The following NAV1 variants were observed in gnomAD, a reference collection of about 807,000 sequenced individuals.
NAV1 encodes the protein pore membrane and/or filament interacting like protein 3.
NAV1 carries 18 observed loss-of-function variants against 175.2 expected under a neutral mutation model. The ratio of observed to expected loss-of-function variants is 0.10; its 90% CI spans 0.07 to 0.15. The LOEUF (loss-of-function observed/expected upper bound fraction) is 0.15. Among genes scored for constraint, NAV1 ranks in the 10% least tolerant of loss-of-function variants. The pLI is 1.00. For missense variants in NAV1, 1,731 were observed against 2,436.6 expected (o/e 0.71, Z 6.10); for synonymous variants, 897 against 978.7 (o/e 0.92, Z 1.56).
chr1:201,615,392 A>C (rs1046979544), intron 2 of NAV1, among the ~76,000 whole-genome samples: 37 of 151,796 alleles, frequency 2.4e-4, no homozygotes, highest in African/African-American at 8.7e-4. Flanking sequence ...AGCCTCCCGA[A>C]TAGCTGGGAT....
chr1:201,724,553 C>T (rs1672522351), intron 3 of NAV1: 1 of 152,264 alleles, frequency 6.6e-6, no homozygotes, highest in Non-Finnish European at 1.5e-5. Flanking sequence ...AACACTACTG[C>T]CAAGTCCCAC....
chr1:201,618,766 T>C (rs1668073897), upstream of NAV1, among the ~76,000 whole-genome samples: 1 of 152,182 alleles, frequency 6.6e-6, no homozygotes, highest in Non-Finnish European at 1.5e-5. Flanking sequence ...TACTAAAACT[T>C]ACTTTGTAAG....
chr1:201,619,535 G>T (rs1336735823), upstream of NAV1, among the ~76,000 whole-genome samples: 1 of 152,256 alleles, frequency 6.6e-6, no homozygotes, highest in Non-Finnish European at 1.5e-5. Context: ...ACATGGAGAG[G>T]TTGAATAATT....
chr1:201,756,449 A>C (rs1674468941), intron 3 of NAV1, among the ~76,000 whole-genome samples: 1 of 152,164 alleles, frequency 6.6e-6, no homozygotes, highest in Admixed American at 6.5e-5. Flanking sequence ...TCTCCCTACA[A>C]AATATCAACA....
chr1:201,710,161 TAA>T (rs33912942), intron 1 of NAV1, among the ~76,000 whole-genome samples: 50,461 of 146,524 alleles, frequency 0.34, 8,856 homozygotes, highest in Middle Eastern at 0.42. Context: ...CATTTTTCCT[TAA>T]AAAAAAAAAA....
At chr1:201,785,280 CTCTTT>C (rs766731106) in intron 7 of NAV1, 25 bp from the exon 12 acceptor site, 12 of 1,438,702 alleles carry the variant, frequency 8.3e-6, no homozygotes, top group African/African-American at 4.7e-5. Flanking sequence ...CTCTCTCTCT[CTCTTT>C]TTTTTTTTTT....
Position 201,807,896 on chromosome 1 carries a change from C to A in NAV1, c.3649-57C>A, listed in dbSNP as rs979061452. 6.4e-7 allele frequency: 1 copy of A among 1,558,982 alleles called. No individual in the cohort carries two copies. The highest frequency in any genetic ancestry group is 8.8e-7 in the Non-Finnish European group (1 of 1,133,426). ...GTCTCAGAAGTCTCAATCCAGTCCT[C>A]CCCCATCCCAGTAGTGGAGTCCTAA... On this transcript the variant is annotated intron_variant, in intron 17 of 29. Transcript: ENST00000367296. The surrounding 1 kb of genome is among the most constrained non-coding windows in gnomAD (Gnocchi z 5.4).
chr1:201,768,445 C>A (rs1675351081), intron 3 of NAV1, among the ~76,000 whole-genome samples: 1 of 151,746 alleles, frequency 6.6e-6, no homozygotes, highest in Non-Finnish European at 1.5e-5. Flanking sequence ...TGGAACCAGC[C>A]TGGGCAACAT....
intron 3 of NAV1, among the ~76,000 whole-genome samples, chr1:201,733,116 T>C (rs1383940501): frequency 7.0e-6 from 1 of 143,770 alleles, no homozygotes. Flanking sequence ...CATGGTGGCT[T>C]ATGCCTGTAA....
chr1:201,729,677 C>G (rs563691913), intron 3 of NAV1, among the ~76,000 whole-genome samples: 2 of 151,856 alleles, frequency 1.3e-5, no homozygotes, highest in South Asian at 4.1e-4. Context: ...GAGGCCGAGG[C>G]GGGCAGATCA....
Position 201,789,733 on chromosome 1 carries a change from C to T in NAV1, c.3167-7C>T. The T allele has an allele frequency of 6.2e-7, 1 of 1,614,106 alleles. No individual in the cohort carries two copies. The highest frequency in any genetic ancestry group is 8.5e-7 in the Non-Finnish European group (1 of 1,179,960). ...TGTTAACTCTTTGTGTTCTCCTTCTCTTTCAGTTCACGGCTCAGTGCTGTC... is the reference window on the plus strand; with the variant it reads ...TGTTAACTCTTTGTGTTCTCCTTCTTTTTCAGTTCACGGCTCAGTGCTGTC... On this transcript the variant is annotated splice_region_variant and splice_polypyrimidine_tract_variant and intron_variant, in intron 10 of 29. Coordinates refer to ENST00000367296, the Ensembl canonical transcript of NAV1.
chr1:201,621,144 T>G (rs978910522), upstream of NAV1, among the ~76,000 whole-genome samples: 1 of 151,960 alleles, frequency 6.6e-6, no homozygotes, highest in Non-Finnish European at 1.5e-5. Flanking sequence ...GGTGTCAAAC[T>G]CCTGGACTCA....
At position 201,675,716 on chromosome 1, in the gene NAV1, C is replaced by T. The variant is rs545760368; in HGVS notation, c.757+26291C>T. The stretch of plus-strand genomic sequence containing the variant: ...CGATGGAATTTGAGGGGTACAACCC[C>T]TACAGTTCTGTCCAAATTCACTTCT... On this transcript the variant is annotated intron_variant, in intron 1 of 29. Transcript: ENST00000367296. Among the ~76,000 whole-genome samples the T allele has an allele frequency of 3.9e-5, 6 of 152,326 alleles. No homozygotes were observed. In the South Asian group the frequency reaches 1.2e-3, roughly 32 times the overall value.
At position 201,782,306 on chromosome 1, in the gene NAV1, C is replaced by A. The variant is rs1358768536; in HGVS notation, c.1794C>A (p.Arg598=). The A allele has an allele frequency of 6.2e-7, 1 of 1,614,212 alleles. No homozygotes were observed. Among genetic ancestry groups the A allele is most frequent in the Admixed American group, 1.7e-5 (1 of 60,034 alleles). The change falls in exon 6 of 30, where the codon CGC becomes CGA. Residue 598 remains arginine (R), a synonymous_variant. Coordinates refer to ENST00000367296, the Ensembl canonical transcript of NAV1. The surrounding 1 kb of genome is among the most constrained non-coding windows in gnomAD (Gnocchi z 5.4). ...AGAAGCCCCCCTCGGGCATTGCTCG[C>A]CCCTCCACTTCGGGATCCTTTGGCT...
At chr1:201,582,536 G>T (rs1666898161) in intron 1 of NAV1, among the ~76,000 whole-genome samples, 1 of 152,326 alleles carries the variant, frequency 6.6e-6, no homozygotes, top group African/African-American at 2.4e-5. Context: ...AGCTGACTCA[G>T]GACCCTGGGA....
chr1:201,819,704 C>T, intron 29 of NAV1, 133 bp from the exon 34 acceptor site: 1 of 690,300 alleles, frequency 1.4e-6, no homozygotes, highest in Non-Finnish European at 2.5e-6. Context: ...AAGCTGATTG[C>T]AAACTCCTGG....
intron 1 of NAV1, among the ~76,000 whole-genome samples, chr1:201,674,963 C>G (rs1736448): frequency 0.17 from 25,739 of 151,066 alleles, 2,690 homozygotes; most frequent in African/African-American, 0.3. Context: ...TTGCCCGAAC[C>G]TGGGAGGTTG....
At chr1:201,600,748 C>T (rs1240821456) in intron 2 of NAV1, among the ~76,000 whole-genome samples, 1 of 152,116 alleles carries the variant, frequency 6.6e-6, no homozygotes, top group Non-Finnish European at 1.5e-5. Flanking sequence ...TACCTGATCC[C>T]TCAGTCCTAG....
chr1:201,644,937 G>C (rs577199104), upstream of NAV1, among the ~76,000 whole-genome samples: 17 of 152,318 alleles, frequency 1.1e-4, no homozygotes, highest in African/African-American at 4.1e-4. Flanking sequence ...AGGCAGGAAG[G>C]AAGATCTGGC....
Sources: allele counts gnomAD v4.1 joint callset (sites outside exome capture counted in the v4.1 genomes callset), GRCh38; gene constraint gnomAD v4.1.1; non-coding constraint Gnocchi (gnomAD v3.1); transcripts MANE v1.5; gene names NCBI Gene and HGNC (gene_info 2026-07-23, HGNC 2026-07-21).